Variants in SPATS2 observed in about 807,000 individuals in gnomAD.
The protein encoded by SPATS2 is spermatogenesis-associated serine-rich protein 2.
In SPATS2, 38 loss-of-function variants were observed where a neutral mutation model predicts 63.7. That is an observed-to-expected ratio of 0.60 (90% confidence interval 0.46 to 0.78). The LOEUF (loss-of-function observed/expected upper bound fraction) is 0.78. Among genes scored for constraint, SPATS2 ranks in the 30% least tolerant of loss-of-function variants. The probability of loss-of-function intolerance (pLI) is 0.00; values close to 1 mark genes in which losing one functional copy is unlikely to be tolerated. For synonymous variants in SPATS2, 207 were observed against 232.9 expected (o/e 0.89, Z 1.01); for missense variants, 588 against 666.2 (o/e 0.88, Z 1.29).
At chr12:49,465,620 A>G (rs1174571862) in intron 3 of SPATS2, among the ~76,000 whole-genome samples, 1 of 152,106 alleles carries the variant, frequency 6.6e-6, no homozygotes, top group Non-Finnish European at 1.5e-5. Flanking sequence ...ATTTGTAAGT[A>G]TATTCTCCCA....
Position 49,392,671 on chromosome 12 carries a change from CCACTG to C in SPATS2, c.-244+21386_-244+21390del, listed in dbSNP as rs199806318. On this transcript the variant is annotated intron_variant, in intron 2 of 13. Transcript: ENST00000552918. Reference sequence around the variant, plus strand: ...GAGGTTGCGGTGAGCCGAGATCTCACCACTGCACTCCAGCGCCTAGGCAACAGAGT... The same window carrying C: ...GAGGTTGCGGTGAGCCGAGATCTCACCACTCCAGCGCCTAGGCAACAGAGT... 5.3e-5 allele frequency among the ~76,000 whole-genome samples: 8 copies of C among 152,084 alleles called. No individual in the cohort carries two copies. In the East Asian group the frequency reaches 1.4e-3, roughly 26 times the overall value.
intron 2 of SPATS2, among the ~76,000 whole-genome samples, chr12:49,403,594 T>TACACACACACAC (rs5798102): frequency 5.6e-4 from 72 of 128,492 alleles, no homozygotes; most frequent in Middle Eastern, 3.6e-3. Flanking sequence ...TGCCACTGTC[T>TACACACACACAC]ACACACACAC....
intron 2 of SPATS2, among the ~76,000 whole-genome samples, chr12:49,375,610 T>C (rs1944086398): frequency 6.6e-6 from 1 of 152,190 alleles, no homozygotes; most frequent in Non-Finnish European, 1.5e-5. Flanking sequence ...TCTAGTTACA[T>C]TTTTATAGTA....
At position 49,405,279 on chromosome 12, in the gene SPATS2, TACACACTTAAATTTTG is replaced by T. The variant is rs1326994217; in HGVS notation, c.-244+33995_-244+34010del. 7.2e-5 allele frequency among the ~76,000 whole-genome samples: 11 copies of T among 152,306 alleles called. No individual in the cohort carries two copies. The South Asian group carries it at 2.3e-3, about 32-fold the overall frequency. On this transcript the variant is annotated intron_variant, in intron 2 of 13. Coordinates refer to ENST00000552918, the MANE Select transcript of SPATS2 (RefSeq NM_023071.4). ...GAGATGTTGGTAACATGCCTAAAAT[TACACACTTAAATTTTG>T]ACACAGTGTCAAAATTTAAACCCAG...
chr12:49,483,153 A>AAT (rs542828068), intron 3 of SPATS2, among the ~76,000 whole-genome samples: 6 of 146,090 alleles, frequency 4.1e-5, no homozygotes, highest in Non-Finnish European at 6.0e-5. Flanking sequence ...AAAAAAAAAA[A>AAT]CAGAGCTAGA....
chr12:49,399,819 C>T (rs887180671), intron 2 of SPATS2, among the ~76,000 whole-genome samples: 2 of 152,028 alleles, frequency 1.3e-5, no homozygotes, highest in Non-Finnish European at 2.9e-5. Context: ...AGGCGGATCA[C>T]GAGGTCAGGA....
chr12:49,424,284 C>T (rs771336446), intron 2 of SPATS2, among the ~76,000 whole-genome samples: 5 of 152,146 alleles, frequency 3.3e-5, no homozygotes, highest in Non-Finnish European at 7.4e-5. Flanking sequence ...CTTTGTTCCT[C>T]AGCCCCATGT....
chr12:49,441,595 T>C (rs1343104276), intron 2 of SPATS2: 1 of 152,222 alleles, frequency 6.6e-6, no homozygotes, highest in Non-Finnish European at 1.5e-5. Context: ...CAAAATCCAA[T>C]TACCTTTTTT....
intron 3 of SPATS2, among the ~76,000 whole-genome samples, chr12:49,468,314 C>T (rs545100182): frequency 7.4e-4 from 113 of 151,926 alleles, no homozygotes; most frequent in African/African-American, 2.6e-3. Flanking sequence ...TGCCCACCAC[C>T]ATGCCCAGCT....
chr12:49,523,144 C>G (rs1029081718), intron 12 of SPATS2, among the ~76,000 whole-genome samples: 1 of 152,108 alleles, frequency 6.6e-6, no homozygotes, highest in African/African-American at 2.4e-5. Flanking sequence ...GTTTGAATCC[C>G]TGCCCCTACA....
intron 2 of SPATS2, among the ~76,000 whole-genome samples, chr12:49,460,125 A>G (rs1475709657): frequency 6.6e-6 from 1 of 151,342 alleles, no homozygotes; most frequent in Non-Finnish European, 1.5e-5. Flanking sequence ...ACAAACAAAC[A>G]AACAAAAAAA....
chr12:49,394,912 CA>C (rs112604213), intron 2 of SPATS2, among the ~76,000 whole-genome samples: 9 of 148,520 alleles, frequency 6.1e-5, no homozygotes, highest in Non-Finnish European at 7.5e-5. Flanking sequence ...ACTAAAAATA[CA>C]AAAAAAAAAT....
intron 3 of SPATS2, among the ~76,000 whole-genome samples, chr12:49,476,473 A>G (rs965075467): frequency 1.3e-5 from 2 of 152,178 alleles, no homozygotes; most frequent in Non-Finnish European, 2.9e-5. Context: ...GGATACAGAA[A>G]TCCCTCTGTC....
At chr12:49,482,364 G>T (rs906608136) in intron 3 of SPATS2, among the ~76,000 whole-genome samples, 1 of 152,176 alleles carries the variant, frequency 6.6e-6, no homozygotes, top group Non-Finnish European at 1.5e-5. Flanking sequence ...TCTCTGAGGG[G>T]TAGCTGTGGG....
intron 2 of SPATS2, 122 bp from the exon 3 acceptor site, chr12:49,460,648 A>G (rs557848547): frequency 1.8e-5 from 4 of 219,554 alleles, no homozygotes; most frequent in African/African-American, 7.0e-5. Context: ...CATTGTTTCT[A>G]TAGTACTTAA....
intron 2 of SPATS2, among the ~76,000 whole-genome samples, chr12:49,378,782 G>C (rs925413461): frequency 6.6e-6 from 1 of 151,784 alleles, no homozygotes; most frequent in Non-Finnish European, 1.5e-5. Flanking sequence ...TTTTTGTAGA[G>C]ACAGGATCTT....
chr12:49,491,015 G>A lies in SPATS2; in HGVS notation c.264+284G>A, dbSNP rs143137892. 3.9e-4 allele frequency: 96 copies of A among 245,578 alleles called. No homozygotes were observed. The East Asian group carries it at 9.1e-3, about 23-fold the overall frequency. The allele number at this position is 245,578 out of a possible 1,614,324, so 15.2% of individuals were successfully genotyped here. On this transcript the variant is annotated intron_variant, in intron 6 of 13. Transcript: ENST00000552918. ...AAAAATTAGCCAGGTGTGGTGGCAC[G>A]TGCCTGTAATCCCAGTTACTCAGGA...
intron 2 of SPATS2, among the ~76,000 whole-genome samples, chr12:49,422,654 A>G (rs1020234594): frequency 2.6e-5 from 4 of 152,214 alleles, no homozygotes; most frequent in Non-Finnish European, 5.9e-5. Flanking sequence ...TAATCCCAGC[A>G]CTTTGGGAGG....
intron 10 of SPATS2, among the ~76,000 whole-genome samples, chr12:49,518,195 G>T (rs553663912): frequency 2.0e-5 from 3 of 152,308 alleles, no homozygotes; most frequent in Non-Finnish European, 2.9e-5. Flanking sequence ...GAAAAGCAAT[G>T]ATCAAATCTT....
Sources: gnomAD v4.1 joint callset for allele counts (sites outside exome capture counted in the v4.1 genomes callset) on GRCh38, gnomAD v4.1.1 for gene constraint, MANE v1.5 for transcripts, NCBI Gene and HGNC (gene_info 2026-07-23, HGNC 2026-07-21) for gene names.